SCN11A: variants seen among roughly 807,000 people sequenced by gnomAD.
SCN11A encodes sodium channel protein type 11 subunit alpha.
In SCN11A, 122 loss-of-function variants were observed where a neutral mutation model predicts 162.2. The observed-to-expected ratio is 0.75, with a 90% CI of 0.65 to 0.87. The LOEUF is 0.87. Among genes scored for constraint, SCN11A ranks in the 40% least tolerant of loss-of-function variants. SCN11A has a pLI of 0.00. For missense variants in SCN11A, 2,015 were observed against 2,181.6 expected, an observed-to-expected ratio of 0.92 and a Z score of 1.52; for synonymous variants, 758 against 751.5, an observed-to-expected ratio of 1.01 and a Z score of -0.14.
intron 23 of SCN11A, among the ~76,000 whole-genome samples, chr3:38,876,745 T>G (rs1359557132): frequency 6.6e-6 from 1 of 152,074 alleles, no homozygotes; most frequent in African/African-American, 2.4e-5. Flanking sequence ...ACTTCTACAC[T>G]GCTGGTGGGA....
At chr3:38,935,887 G>C (rs1435183241) in intron 7 of SCN11A, among the ~76,000 whole-genome samples, 2 of 152,320 alleles carry the variant, frequency 1.3e-5, no homozygotes, top group East Asian at 1.9e-4. Flanking sequence ...GCAGCATCCT[G>C]ATACCAAAGC....
At chr3:39,041,040 C>A (rs150650296) in intron 1 of SCN11A, among the ~76,000 whole-genome samples, 1 of 152,134 alleles carries the variant, frequency 6.6e-6, no homozygotes, top group Non-Finnish European at 1.5e-5. Flanking sequence ...TGAGATAGCG[C>A]CACTGCACTC....
rs1333813944 is a variant in SCN11A at position 38,963,895 on chromosome 3, A to AT, written c.-279-3473dup. ...CAGAAAAATTTTAAAAAATTAAACA[A>AT]TTTTTTCTGAACAATTAAGTCACAT... On this transcript the variant is annotated intron_variant, in intron 2 of 29. Transcript: ENST00000302328. Among the ~76,000 whole-genome samples the AT allele has an allele frequency of 3.9e-5, 6 of 152,238 alleles. No individual in the cohort carries two copies. In the South Asian group the frequency reaches 6.2e-4, roughly 16 times the overall value.
chr3:39,042,973 A>AAAAAAAAAAAAAAG (rs2032090186), intron 1 of SCN11A, among the ~76,000 whole-genome samples: 1 of 141,204 alleles, frequency 7.1e-6, no homozygotes, highest in African/African-American at 2.5e-5. Flanking sequence ...AAAAAAAAAA[A>AAAAAAAAAAAAAAG]AAAAAAGAAA....
chr3:39,023,787 C>T (rs1263949445), intron 2 of SCN11A, among the ~76,000 whole-genome samples: 2 of 152,220 alleles, frequency 1.3e-5, no homozygotes, highest in South Asian at 2.1e-4. Flanking sequence ...GGACTACAGG[C>T]ACCTGCCACC....
intron 2 of SCN11A, among the ~76,000 whole-genome samples, chr3:38,997,582 C>T (rs938909794): frequency 6.6e-6 from 1 of 152,226 alleles, no homozygotes; most frequent in East Asian, 1.9e-4. Context: ...TCTGCCCCCA[C>T]TAGAATGTTA....
In SCN11A at chr3:38,905,226, C is replaced by T. The variant is rs1259707884; in HGVS notation, c.1569G>A (p.Leu523=). ...HGDPLQRQRA[L]SAVSILTITM... ...TGATGGTGAGGATGCTGACAGCACT[C>T]AGTGCTCTCTGCCTTTGGAGAGGAT... Residue 523 remains leucine, a synonymous_variant, in exon 15 of 30, where the codon CTG becomes CTA. Transcript: ENST00000302328. 1 of 1,614,040 alleles carries T rather than the reference C, an allele frequency of 6.2e-7. No homozygotes were observed. The highest frequency in any genetic ancestry group is 1.3e-5 in the African/African-American group (1 of 75,048).
intron 1 of SCN11A, among the ~76,000 whole-genome samples, chr3:39,041,809 T>C (rs928765396): frequency 1.3e-5 from 2 of 151,166 alleles, no homozygotes; most frequent in Non-Finnish European, 2.9e-5. Flanking sequence ...AAATAAACTT[T>C]ATCACTGCAA....
intron 14 of SCN11A, among the ~76,000 whole-genome samples, chr3:38,907,730 TC>T (rs1442643209): frequency 6.6e-6 from 1 of 152,156 alleles, no homozygotes; most frequent in Non-Finnish European, 1.5e-5. Context: ...CTAGCACCTA[TC>T]CCAGTGCCAA....
Position 38,872,311 on chromosome 3 carries a change from C to G in SCN11A, c.3394-17G>C, listed in dbSNP as rs1247933310. On this transcript the variant is annotated splice_polypyrimidine_tract_variant and intron_variant, in intron 23 of 29. Coordinates refer to ENST00000302328, the MANE Select transcript of SCN11A (RefSeq NM_001349253.2). ...CACAGAGACCTGATGGGAAGAGAGG[C>G]CACAGATAATGTACCTGACTTGGTG... The G allele has an allele frequency of 7.3e-7, 1 of 1,365,976 alleles. No individual in the cohort carries two copies. Among genetic ancestry groups the G allele is most frequent in the Admixed American group, 1.7e-5 (1 of 59,406 alleles). 84.6% of individuals were successfully genotyped at this position (1,365,976 alleles called of 1,614,324 possible).
At chr3:39,012,216 T>C (rs1406133761) in intron 2 of SCN11A, among the ~76,000 whole-genome samples, 1 of 151,950 alleles carries the variant, frequency 6.6e-6, no homozygotes, top group African/African-American at 2.4e-5. Flanking sequence ...TCCCAGCTAC[T>C]TGGGAGGCTG....
chr3:38,845,903 T>C lies in SCN11A; in HGVS notation c.*791A>G, dbSNP rs917784336. On this transcript the variant is annotated 3_prime_UTR_variant, in exon 30 of 30. Transcript: ENST00000302328. ...ACAAACCCAAAATAATTAATGTTGG[T>C]AAAAAATGTCTGCAATAAGCTATTC... 1.3e-5 allele frequency: 2 copies of C among 152,168 alleles called. No homozygotes were observed. The highest frequency in any genetic ancestry group is 4.8e-5 in the African/African-American group (2 of 41,442). 9.4% of individuals were successfully genotyped at this position (152,168 alleles called of 1,614,324 possible). A position where few individuals can be genotyped will look rare whatever the true frequency, so the allele number is the denominator to read the frequency against.
At chr3:38,984,648 T>C (rs2030169348) in intron 2 of SCN11A, among the ~76,000 whole-genome samples, 1 of 151,984 alleles carries the variant, frequency 6.6e-6, no homozygotes, top group South Asian at 2.1e-4. Flanking sequence ...GTAGCTGGGA[T>C]TACAGGTACC....
At chr3:38,887,826 T>C (rs1359501640) in intron 19 of SCN11A, among the ~76,000 whole-genome samples, 3 of 152,224 alleles carry the variant, frequency 2.0e-5, no homozygotes, top group Non-Finnish European at 4.4e-5. Flanking sequence ...TCCTAACATC[T>C]ATGTGAAGAC....
At chr3:38,992,034 C>T (rs1328093215) in intron 2 of SCN11A, among the ~76,000 whole-genome samples, 1 of 152,120 alleles carries the variant, frequency 6.6e-6, no homozygotes, top group Non-Finnish European at 1.5e-5. Context: ...GTCTCGAACT[C>T]CTGACCTCAG....
At chr3:38,971,666 GC>G (rs1259904591) in intron 2 of SCN11A, among the ~76,000 whole-genome samples, 1 of 151,920 alleles carries the variant, frequency 6.6e-6, no homozygotes, top group Admixed American at 6.6e-5. Flanking sequence ...ACCTTTCTTG[GC>G]CCCCAGTAGC....
At chr3:38,919,232 A>C (rs2066008242) in intron 11 of SCN11A, among the ~76,000 whole-genome samples, 1 of 152,184 alleles carries the variant, frequency 6.6e-6, no homozygotes, top group South Asian at 2.1e-4. Flanking sequence ...AAATCCAAAA[A>C]CGTGGAGCTG....
chr3:39,036,325 A>G (rs1052835926), intron 1 of SCN11A, among the ~76,000 whole-genome samples: 18 of 152,032 alleles, frequency 1.2e-4, no homozygotes, highest in African/African-American at 3.9e-4. Flanking sequence ...ATGTATTTTT[A>G]GTAGAGACGG....
intron 12 of SCN11A, 141 bp from the exon 13 acceptor site, chr3:38,909,335 G>C: frequency 1.5e-6 from 1 of 676,164 alleles, no homozygotes; most frequent in South Asian, 1.9e-5. Context: ...AGACCATATA[G>C]CTTCCCTAAT....
Sources: allele counts gnomAD v4.1 joint callset (sites outside exome capture counted in the v4.1 genomes callset), GRCh38; gene constraint gnomAD v4.1.1; transcripts MANE v1.5; gene names NCBI Gene and HGNC (gene_info 2026-07-23, HGNC 2026-07-21).